The following SULF1 variants were observed in gnomAD, a reference collection of about 807,000 sequenced individuals.
SULF1 encodes extracellular sulfatase Sulf-1.
In SULF1, 46 loss-of-function variants were observed where a neutral mutation model predicts 110.5. The observed-to-expected ratio is 0.42, with a 90% CI of 0.33 to 0.53. The LOEUF (loss-of-function observed/expected upper bound fraction) is 0.53, where lower values mean the gene tolerates loss of function less well. SULF1 is among the 20% of genes least tolerant of loss of function. SULF1 has a pLI of 0.12. For synonymous variants in SULF1, 371 were observed against 387.1 expected (o/e 0.96, Z 0.49); for missense variants, 941 against 1,094.2 (o/e 0.86, Z 1.98).
At chr8:69,528,574 T>G (rs72658244) in intron 3 of SULF1, among the ~76,000 whole-genome samples, 18,320 of 152,276 alleles carry the variant, frequency 0.12, 1,181 homozygotes, top group Middle Eastern at 0.19. Flanking sequence ...TGGAATATTT[T>G]GTTATCTAAA....
intron 3 of SULF1, among the ~76,000 whole-genome samples, chr8:69,560,205 A>C (rs1003208880): frequency 4.6e-5 from 7 of 152,192 alleles, no homozygotes; most frequent in Admixed American, 2.0e-4. Flanking sequence ...CTGCCCAGCC[A>C]AAGTGGGGAT....
chr8:69,641,554 G>C (rs1403593044), intron 22 of SULF1, among the ~76,000 whole-genome samples: 3 of 152,072 alleles, frequency 2.0e-5, no homozygotes, highest in East Asian at 3.9e-4. Context: ...AGACTAGCTT[G>C]GGCAACAAAG....
chr8:69,581,808 C>T (rs959647583), intron 6 of SULF1, among the ~76,000 whole-genome samples: 1 of 152,048 alleles, frequency 6.6e-6, no homozygotes, highest in Non-Finnish European at 1.5e-5. Context: ...TGATTACAAA[C>T]GAGTCTCAAT....
intron 3 of SULF1, among the ~76,000 whole-genome samples, chr8:69,537,864 CTG>C (rs1813530714): frequency 6.6e-6 from 1 of 150,708 alleles, no homozygotes; most frequent in Admixed American, 6.6e-5. Context: ...AACTGTGTGT[CTG>C]GAACTGAAAC....
At chr8:69,627,890 C>G in intron 17 of SULF1, 24 bp downstream of exon 17, 1 of 1,570,326 alleles carries the variant, frequency 6.4e-7, no homozygotes, top group East Asian at 2.2e-5. Context: ...CATCCATGCT[C>G]CACTTTCCAA....
chr8:69,571,452 A>G (rs1309363207), intron 5 of SULF1, among the ~76,000 whole-genome samples: 1 of 152,138 alleles, frequency 6.6e-6, no homozygotes, highest in Non-Finnish European at 1.5e-5. Flanking sequence ...ATGTTTTCCC[A>G]CATGTTCAAG....
chr8:69,637,185 C>T (rs886925360), intron 19 of SULF1, among the ~76,000 whole-genome samples: 3 of 152,166 alleles, frequency 2.0e-5, no homozygotes, highest in African/African-American at 7.2e-5. Flanking sequence ...GAAGGGTCGA[C>T]GTTGAGTTCT....
In SULF1 at chr8:69,638,495, C is replaced by A; in HGVS notation, c.2285-7C>A. On this transcript the variant is annotated splice_region_variant and splice_polypyrimidine_tract_variant and intron_variant, in intron 19 of 22. Coordinates refer to ENST00000402687, the MANE Select transcript of SULF1 (RefSeq NM_001128205.2). The stretch of plus-strand genomic sequence containing the variant: ...GTTTTGTTGTGTTTTTCTTTTTTAC[C>A]CAACAGTGGGATCTTTCTGTGCTTG... 1 of 1,606,598 alleles carries A rather than the reference C, an allele frequency of 6.2e-7. No homozygotes were observed. Among genetic ancestry groups the A allele is most frequent in the Non-Finnish European group, 8.5e-7 (1 of 1,178,262 alleles).
chr8:69,558,628 G>C (rs940625375), intron 3 of SULF1, among the ~76,000 whole-genome samples: 4 of 152,116 alleles, frequency 2.6e-5, no homozygotes, highest in African/African-American at 7.2e-5. Context: ...CAGTTTCAAG[G>C]CTTTAAGGAA....
intron 15 of SULF1, 96 bp downstream of exon 15, chr8:69,624,293 T>A: frequency 6.7e-7 from 1 of 1,487,208 alleles, no homozygotes; most frequent in Non-Finnish European, 9.0e-7. Context: ...AAAAGCAGTA[T>A]CACTTGGCAA....
At chr8:69,512,544 G>T (rs1025398166) in intron 3 of SULF1, among the ~76,000 whole-genome samples, 1 of 152,182 alleles carries the variant, frequency 6.6e-6, no homozygotes, top group South Asian at 2.1e-4. Context: ...GTCCCAGATT[G>T]CCTTTCTGTA....
intron 3 of SULF1, among the ~76,000 whole-genome samples, chr8:69,532,116 G>A (rs1016526912): frequency 2.0e-5 from 3 of 152,248 alleles, no homozygotes; most frequent in African/African-American, 7.2e-5. Flanking sequence ...CAAGAACGTT[G>A]AGAAACAAAC....
chr8:69,607,816 G>A (rs540687590), intron 13 of SULF1, among the ~76,000 whole-genome samples: 2 of 152,274 alleles, frequency 1.3e-5, no homozygotes, highest in South Asian at 2.1e-4. Flanking sequence ...GTTCAGGTTC[G>A]AGGTGGCAGC....
chr8:69,505,646 T>C (rs190077537), intron 3 of SULF1, among the ~76,000 whole-genome samples: 3 of 152,278 alleles, frequency 2.0e-5, no homozygotes, highest in African/African-American at 7.2e-5. Context: ...CAATATCAGA[T>C]GTGGACCCTA....
intron 1 of SULF1, among the ~76,000 whole-genome samples, chr8:69,468,239 A>G (rs2150526720): frequency 6.6e-6 from 1 of 152,280 alleles, no homozygotes; most frequent in East Asian, 1.9e-4. Context: ...TATGAATAAT[A>G]TTGTATATAA....
At chr8:69,638,465 T>A in intron 19 of SULF1, 37 bp from the exon 20 acceptor site, 3 of 1,600,896 alleles carry the variant, frequency 1.9e-6, no homozygotes, top group Non-Finnish European at 2.5e-6. Context: ...TTTTTCACTC[T>A]TTTTGTTTTG....
At chr8:69,620,507 G>C (rs575629156) in intron 13 of SULF1, among the ~76,000 whole-genome samples, 1 of 152,306 alleles carries the variant, frequency 6.6e-6, no homozygotes, top group South Asian at 2.1e-4. Context: ...AGCCTGACAA[G>C]TTTGCTAATG....
intron 3 of SULF1, among the ~76,000 whole-genome samples, chr8:69,520,543 G>A (rs2150610923): frequency 6.6e-6 from 1 of 152,278 alleles, no homozygotes; most frequent in South Asian, 2.1e-4. Context: ...TCAAAGTAAT[G>A]TTTGTACTTG....
At position 69,588,823 on chromosome 8, in the gene SULF1, C is replaced by T. The variant is rs1806657374; in HGVS notation, c.565-149C>T. ...GATTTTCTCTATTATCGAAAATGTT[C>T]GGCTGCCTTGGGAGGTGCAGCCTTC... On this transcript the variant is annotated intron_variant, in intron 7 of 22. Coordinates refer to ENST00000402687, the MANE Select transcript of SULF1 (RefSeq NM_001128205.2). The T allele has an allele frequency of 8.6e-6, 5 of 581,798 alleles. No individual in the cohort carries two copies. The South Asian group carries it at 1.7e-4, about 19-fold the overall frequency. 36.0% of individuals were successfully genotyped at this position (581,798 alleles called of 1,614,324 possible).
Sources: allele counts gnomAD v4.1 joint callset (sites outside exome capture counted in the v4.1 genomes callset), GRCh38; gene constraint gnomAD v4.1.1; transcripts MANE v1.5; gene names NCBI Gene and HGNC (gene_info 2026-07-23, HGNC 2026-07-21).